The following TMPRSS11A variants were observed in gnomAD, a reference collection of about 807,000 sequenced individuals.
TMPRSS11A encodes the protein transmembrane serine protease 11A.
In TMPRSS11A, 53 loss-of-function variants were observed where a neutral mutation model predicts 58.9. The ratio of observed to expected loss-of-function variants is 0.90; its 90% CI spans 0.72 to 1.13. The LOEUF is 1.13. Among genes scored for constraint, TMPRSS11A ranks in the 50% most tolerant of loss-of-function variants. The probability of loss-of-function intolerance (pLI) is 0.00; values close to 1 mark genes in which losing one functional copy is unlikely to be tolerated. For synonymous variants in TMPRSS11A, 167 were observed against 169.8 expected, an observed-to-expected ratio of 0.98 and a Z score of 0.13; for missense variants, 493 against 499.3, an observed-to-expected ratio of 0.99 and a Z score of 0.12.
At chr4:67,935,422 A>T (rs1720727593) in intron 3 of TMPRSS11A, among the ~76,000 whole-genome samples, 1 of 152,182 alleles carries the variant, frequency 6.6e-6, no homozygotes, top group African/African-American at 2.4e-5. Flanking sequence ...TTCTTTGGGG[A>T]TATTCGTTAA....
chr4:67,958,270 C>G (rs1721337548), intron 1 of TMPRSS11A, among the ~76,000 whole-genome samples: 1 of 152,204 alleles, frequency 6.6e-6, no homozygotes, highest in South Asian at 2.1e-4. Flanking sequence ...CGACAGCTTT[C>G]ACCATGCACC....
chr4:67,947,034 T>C (rs1487592824), intron 1 of TMPRSS11A, among the ~76,000 whole-genome samples: 1 of 152,184 alleles, frequency 6.6e-6, no homozygotes, highest in Non-Finnish European at 1.5e-5. Flanking sequence ...AATAGTATAA[T>C]TGAACATCCA....
intron 1 of TMPRSS11A, among the ~76,000 whole-genome samples, chr4:67,955,724 TGCTGTGTTTG>T (rs1338748368): frequency 2.6e-5 from 4 of 152,166 alleles, no homozygotes; most frequent in Admixed American, 6.5e-5. Context: ...ATATCTTAGG[TGCTGTGTTTG>T]GCTTAGGGAG....
At chr4:67,919,693 G>A (rs189726874) in intron 7 of TMPRSS11A, among the ~76,000 whole-genome samples, 39 of 152,252 alleles carry the variant, frequency 2.6e-4, no homozygotes, top group Admixed American at 1.7e-3. Flanking sequence ...ATAGGGTAAC[G>A]GAATAGAGTA....
At chr4:67,935,510 T>C (rs1189984466) in intron 3 of TMPRSS11A, among the ~76,000 whole-genome samples, 1 of 152,138 alleles carries the variant, frequency 6.6e-6, no homozygotes, top group Non-Finnish European at 1.5e-5. Context: ...TGTAAACATA[T>C]ATTATATATT....
At chr4:67,949,045 C>T (rs1721093888) in intron 1 of TMPRSS11A, among the ~76,000 whole-genome samples, 1 of 151,858 alleles carries the variant, frequency 6.6e-6, no homozygotes, top group Admixed American at 6.6e-5. Context: ...TTCATTTTCT[C>T]ATAGAATCTT....
rs1189896754 is a variant in TMPRSS11A at position 67,961,482 on chromosome 4, CCTTTTTTTTTTTTTTTTTTTTTTTTTT to C, written c.11+1874_11+1900del. Among the ~76,000 whole-genome samples the C allele has an allele frequency of 3.6e-4, 37 of 102,414 alleles. 2 individuals are homozygous for C. Among genetic ancestry groups the C allele is most frequent in the African/African-American group, 4.3e-4 (9 of 20,976 alleles). 67.2% of individuals were successfully genotyped at this position (102,414 alleles called of 152,430 possible). On this transcript the variant is annotated intron_variant, in intron 1 of 9. Transcript: ENST00000508048. Reference sequence around the variant, plus strand: ...CTTTTCTTTCCTTTCCTTTTCTTTTCCTTTTTTTTTTTTTTTTTTTTTTTTTTTTTTTTTTTTTTTTTTTTTTGAGAC... The same window carrying C: ...CTTTTCTTTCCTTTCCTTTTCTTTTCTTTTTTTTTTTTTTTTTTTTGAGAC...
At chr4:67,957,232 C>T (rs989758110) in intron 1 of TMPRSS11A, among the ~76,000 whole-genome samples, 1 of 152,098 alleles carries the variant, frequency 6.6e-6, no homozygotes, top group Non-Finnish European at 1.5e-5. Flanking sequence ...GATACCTGAA[C>T]ATGTAGAAGC....
chr4:67,934,477 G>A (rs978628684), intron 3 of TMPRSS11A, among the ~76,000 whole-genome samples: 21 of 152,220 alleles, frequency 1.4e-4, no homozygotes, highest in Middle Eastern at 3.4e-3. Flanking sequence ...TTGTGTGCCA[G>A]GTTGTTATAA....
chr4:67,921,511 C>T (rs1720330399), intron 7 of TMPRSS11A, among the ~76,000 whole-genome samples: 1 of 151,968 alleles, frequency 6.6e-6, no homozygotes, highest in African/African-American at 2.4e-5. Flanking sequence ...GTTTCACTAT[C>T]TTGCCCAAGC....
intron 5 of TMPRSS11A, among the ~76,000 whole-genome samples, chr4:67,927,374 CT>C (rs1355237034): frequency 6.6e-6 from 1 of 152,224 alleles, no homozygotes; most frequent in African/African-American, 2.4e-5. Context: ...TCCCAGGTGC[CT>C]GCCAGGGAAG....
At chr4:67,933,234 T>C (rs907098922) in intron 3 of TMPRSS11A, among the ~76,000 whole-genome samples, 1 of 152,154 alleles carries the variant, frequency 6.6e-6, no homozygotes, top group Admixed American at 6.6e-5. Context: ...TTTGTTATCT[T>C]CTTTAACTCT....
chr4:67,930,384 G>A (rs940656920), intron 4 of TMPRSS11A, among the ~76,000 whole-genome samples: 1 of 152,138 alleles, frequency 6.6e-6, no homozygotes, highest in Admixed American at 6.6e-5. Flanking sequence ...CACTTCTACA[G>A]GGTCCATGAC....
intron 7 of TMPRSS11A, among the ~76,000 whole-genome samples, chr4:67,920,527 T>TTA (rs1180319358): frequency 0.026 from 3,438 of 132,692 alleles, 63 homozygotes; most frequent in African/African-American, 0.037. Context: ...AATGAGGTAA[T>TTA]TATATATATA....
chr4:67,917,541 T>A (rs1455837666), intron 8 of TMPRSS11A, among the ~76,000 whole-genome samples: 1 of 152,200 alleles, frequency 6.6e-6, no homozygotes, highest in African/African-American at 2.4e-5. Flanking sequence ...GAGTAACGAA[T>A]GGCTGCTTTT....
chr4:67,956,278 G>C (rs1310313106), intron 1 of TMPRSS11A, among the ~76,000 whole-genome samples: 1 of 152,142 alleles, frequency 6.6e-6, no homozygotes, highest in Non-Finnish European at 1.5e-5. Context: ...GAGAGGAAAA[G>C]CAACACAAGT....
intron 3 of TMPRSS11A, among the ~76,000 whole-genome samples, chr4:67,939,437 A>T (rs538249218): frequency 6.6e-6 from 1 of 152,204 alleles, no homozygotes; most frequent in Middle Eastern, 3.4e-3. Flanking sequence ...TCTTTCTAGA[A>T]CTTCTAGTAC....
chr4:67,949,092 G>T (rs1210730994), intron 1 of TMPRSS11A, among the ~76,000 whole-genome samples: 5 of 151,872 alleles, frequency 3.3e-5, no homozygotes, highest in Admixed American at 6.6e-5. Context: ...AAGAAAAAAA[G>T]ACCAAAGGAG....
At chr4:67,943,406 G>A (rs572146713) in intron 3 of TMPRSS11A, among the ~76,000 whole-genome samples, 142 of 152,202 alleles carry the variant, frequency 9.3e-4, no homozygotes, top group African/African-American at 3.0e-3. Flanking sequence ...ATCATTCAAA[G>A]GTGTGTTTAT....
Sources: gnomAD v4.1 joint callset for allele counts (sites outside exome capture counted in the v4.1 genomes callset) on GRCh38, gnomAD v4.1.1 for gene constraint, MANE v1.5 for transcripts, NCBI Gene and HGNC (gene_info 2026-07-23, HGNC 2026-07-21) for gene names.